Variants in PMFBP1 observed in about 807,000 individuals in gnomAD.
The protein encoded by PMFBP1 is polyamine-modulated factor 1-binding protein 1.
Under a neutral mutation model 137.8 loss-of-function variants are expected in PMFBP1, and 131 were observed. The ratio of observed to expected loss-of-function variants is 0.95; its 90% CI spans 0.82 to 1.10. PMFBP1 has a LOEUF of 1.10. PMFBP1 is among the 50% of genes least tolerant of loss of function. The pLI, the probability that PMFBP1 is intolerant of heterozygous loss-of-function variation, is 0.00. For missense variants in PMFBP1, 1,199 were observed against 1,175.4 expected, an observed-to-expected ratio of 1.02 and a Z score of -0.29; for synonymous variants, 490 against 450.4, an observed-to-expected ratio of 1.09 and a Z score of -1.11.
At chr16:72,121,276 C>A (rs2042373500) in intron 19 of PMFBP1, among the ~76,000 whole-genome samples, 1 of 152,188 alleles carries the variant, frequency 6.6e-6, no homozygotes, top group South Asian at 2.1e-4. Context: ...TTCCCCCGCC[C>A]AGTAGCCCCT....
chr16:72,211,913 C>A, the PMFBP1 span, among the ~76,000 whole-genome samples: 1 of 152,090 alleles, frequency 6.6e-6, no homozygotes, highest in Admixed American at 6.6e-5. Flanking sequence ...GGGAGGACTG[C>A]TTGAGCCTGG....
intron 10 of PMFBP1, among the ~76,000 whole-genome samples, chr16:72,131,845 C>T (rs2042553635): frequency 6.6e-6 from 1 of 152,034 alleles, no homozygotes; most frequent in African/African-American, 2.4e-5. Context: ...AAATTTAGCC[C>T]CTCCACCCCA....
At chr16:72,207,870 T>C in the PMFBP1 span, among the ~76,000 whole-genome samples, 8 of 152,252 alleles carry the variant, frequency 5.3e-5, no homozygotes, top group South Asian at 1.7e-3. Context: ...AGTCAATGTG[T>C]AGTTCCAGTG....
chr16:72,164,340 G>T, intron 3 of PMFBP1: 1 of 1,156,542 alleles, frequency 8.6e-7, no homozygotes, highest in Non-Finnish European at 1.2e-6. Context: ...CAGCAATAAA[G>T]ACCCCCTGCT....
the PMFBP1 span, among the ~76,000 whole-genome samples, chr16:72,243,192 T>C: frequency 1.3e-5 from 2 of 152,246 alleles, no homozygotes; most frequent in Admixed American, 1.3e-4. Context: ...CCAAAGACAT[T>C]AATGCGATTA....
At chr16:72,231,734 TTACTC>T in the PMFBP1 span, among the ~76,000 whole-genome samples, 4 of 152,188 alleles carry the variant, frequency 2.6e-5, no homozygotes, top group East Asian at 7.7e-4. Context: ...AGATATATAA[TTACTC>T]TGTCATGCTG....
chr16:72,204,190 ATT>A, the PMFBP1 span, among the ~76,000 whole-genome samples: 17 of 140,172 alleles, frequency 1.2e-4, no homozygotes, highest in Non-Finnish European at 9.4e-5. Context: ...ACTCATGCGC[ATT>A]TTTTTTTTTT....
At chr16:72,239,586 C>A in the PMFBP1 span, among the ~76,000 whole-genome samples, 1 of 152,066 alleles carries the variant, frequency 6.6e-6, no homozygotes, top group Admixed American at 6.6e-5. Context: ...TTACTATCAT[C>A]TAGTGCCTCC....
chr16:72,160,196 G>A (rs995914889), intron 3 of PMFBP1, among the ~76,000 whole-genome samples: 6 of 152,288 alleles, frequency 3.9e-5, no homozygotes, highest in East Asian at 1.9e-4. Context: ...GAAAAGTCAC[G>A]TTGGTTTCCA....
chr16:72,169,994 C>T lies in PMFBP1; in HGVS notation c.12+1203G>A, dbSNP rs376433746. Among the ~76,000 whole-genome samples, 34 of 151,582 alleles carry T rather than the reference C, an allele frequency of 2.2e-4. 2 individuals are homozygous for T. Among genetic ancestry groups the T allele is most frequent in the Admixed American group, 1.1e-3 (17 of 15,160 alleles). On this transcript the variant is annotated intron_variant, in intron 2 of 20. Coordinates refer to ENST00000237353, the MANE Select transcript of PMFBP1 (RefSeq NM_031293.3). ...TGTTGGAGATCAGCCACCTATGGAA[C>T]GTGGGCTGATTTTTATTGGCACCTG...
downstream of PMFBP1, among the ~76,000 whole-genome samples, chr16:72,118,241 A>G (rs373179992): frequency 2.5e-3 from 383 of 152,328 alleles, 13 homozygotes; most frequent in South Asian, 0.075. Context: ...TTTTCTCTAG[A>G]AAACAAACCC....
At chr16:72,157,648 G>A (rs2043002810) in intron 3 of PMFBP1, among the ~76,000 whole-genome samples, 1 of 152,144 alleles carries the variant, frequency 6.6e-6, no homozygotes, top group Non-Finnish European at 1.5e-5. Context: ...AACTTCTTTT[G>A]GGGAGACGAA....
chr16:72,244,986 T>C, the PMFBP1 span, among the ~76,000 whole-genome samples: 17 of 152,110 alleles, frequency 1.1e-4, no homozygotes, highest in Non-Finnish European at 2.5e-4. Context: ...ATGGGGGGCA[T>C]GAGAGTCGGG....
At position 72,123,071 on chromosome 16, in the gene PMFBP1, G is replaced by C; in HGVS notation, c.2694-83C>G. ...GTGCAGCTGGCTGAATGGGATGCTG[G>C]GTTCTCAGCAAGACTGCTGCTGCAT... On this transcript the variant is annotated intron_variant, in intron 18 of 20. Transcript: ENST00000237353. The C allele has an allele frequency of 1.0e-5, 13 of 1,261,784 alleles. No homozygotes were observed. In the South Asian group the frequency reaches 1.5e-4, roughly 15 times the overall value. 78.2% of individuals were successfully genotyped at this position (1,261,784 alleles called of 1,614,324 possible).
At chr16:72,234,795 G>A in the PMFBP1 span, among the ~76,000 whole-genome samples, 2 of 152,130 alleles carry the variant, frequency 1.3e-5, no homozygotes, top group African/African-American at 4.8e-5. Flanking sequence ...AATGACTAAT[G>A]ATACTGAGCA....
upstream of PMFBP1, among the ~76,000 whole-genome samples, chr16:72,180,642 T>C (rs1447075682): frequency 1.3e-5 from 2 of 151,746 alleles, no homozygotes; most frequent in South Asian, 2.1e-4. Flanking sequence ...GGAGATTTTT[T>C]CCCCTCTTAA....
the PMFBP1 span, among the ~76,000 whole-genome samples, chr16:72,219,915 CT>C: frequency 8.5e-5 from 13 of 152,166 alleles, no homozygotes; most frequent in Admixed American, 8.5e-4. Context: ...CTAGAAAGTT[CT>C]TTAGCAAAAG....
chr16:72,222,082 C>T, the PMFBP1 span, among the ~76,000 whole-genome samples: 72 of 152,260 alleles, frequency 4.7e-4, no homozygotes, highest in Middle Eastern at 3.4e-3. Flanking sequence ...GCATGGGAGT[C>T]GTGTGGCCAG....
chr16:72,247,103 C>T, the PMFBP1 span, among the ~76,000 whole-genome samples: 1 of 152,164 alleles, frequency 6.6e-6, no homozygotes, highest in Non-Finnish European at 1.5e-5. Flanking sequence ...AGAAGGAATG[C>T]CCTTCATTAA....
Sources: allele counts gnomAD v4.1 joint callset (sites outside exome capture counted in the v4.1 genomes callset), GRCh38; gene constraint gnomAD v4.1.1; transcripts MANE v1.5; gene names NCBI Gene and HGNC (gene_info 2026-07-23, HGNC 2026-07-21).